PAWR: variants seen among roughly 807,000 people sequenced by gnomAD.
The protein encoded by PAWR is pro-apoptotic WT1 regulator.
A neutral mutation model predicts 32.0 loss-of-function variants in PAWR; 23 were observed. That is an observed-to-expected ratio of 0.72 (90% CI 0.52 to 1.02). The LOEUF (loss-of-function observed/expected upper bound fraction) is 1.02. PAWR is among the 50% of genes least tolerant of loss of function. The pLI is 0.00. For missense variants in PAWR, 457 were observed against 437.7 expected (o/e 1.04, Z -0.39); for synonymous variants, 226 against 187.1 (o/e 1.21, Z -1.70).
intron 2 of PAWR, among the ~76,000 whole-genome samples, chr12:79,642,181 T>C (rs1876358148): frequency 6.6e-6 from 1 of 152,222 alleles, no homozygotes; most frequent in Non-Finnish European, 1.5e-5. Context: ...AATATATGGC[T>C]GCTTAATAGA....
intron 2 of PAWR, among the ~76,000 whole-genome samples, chr12:79,686,391 G>C (rs190950281): frequency 6.6e-6 from 1 of 152,092 alleles, no homozygotes; most frequent in Non-Finnish European, 1.5e-5. Context: ...AGAGCACCTC[G>C]TGGGCAAGGC....
intron 2 of PAWR, among the ~76,000 whole-genome samples, chr12:79,648,793 G>GGAAAA (rs1555176091): frequency 5.0e-5 from 6 of 120,412 alleles, no homozygotes; most frequent in African/African-American, 2.8e-4. Context: ...ACAGGGGCTA[G>GGAAAA]AAAAAAAAAA....
chr12:79,680,972 C>T (rs955367695), intron 2 of PAWR, among the ~76,000 whole-genome samples: 1 of 151,178 alleles, frequency 6.6e-6, no homozygotes, highest in Non-Finnish European at 1.5e-5. Flanking sequence ...AAAATTAGCC[C>T]AATGTGGTGG....
At chr12:79,648,363 G>A (rs566610487) in intron 2 of PAWR, among the ~76,000 whole-genome samples, 56 of 151,988 alleles carry the variant, frequency 3.7e-4, no homozygotes, top group South Asian at 1.5e-3. Flanking sequence ...TTGCTGGTTC[G>A]GTAAATGAAG....
At chr12:79,610,626 A>G (rs1426989055) in intron 4 of PAWR, among the ~76,000 whole-genome samples, 1 of 152,092 alleles carries the variant, frequency 6.6e-6, no homozygotes, top group Non-Finnish European at 1.5e-5. Context: ...TTAGGTGAGG[A>G]GTAAAATTAC....
chr12:79,630,858 C>CAAAAAAAAAAAAAAA (rs74262476), intron 2 of PAWR, among the ~76,000 whole-genome samples: 1 of 105,420 alleles, frequency 9.5e-6, no homozygotes. Flanking sequence ...GTACCAAAAC[C>CAAAAAAAAAAAAAAA]AAAAAAAAAA....
chr12:79,640,352 T>C (rs543458004), intron 2 of PAWR, among the ~76,000 whole-genome samples: 62 of 152,306 alleles, frequency 4.1e-4, no homozygotes, highest in African/African-American at 1.4e-3. Context: ...TTGCTGTAAC[T>C]TATTCCTCTA....
chr12:79,627,052 G>A lies in PAWR; in HGVS notation c.517-5845C>T, dbSNP rs145489751. On this transcript the variant is annotated intron_variant, in intron 2 of 6. Coordinates refer to ENST00000328827, the MANE Select transcript of PAWR (RefSeq NM_002583.4). ...GTGAATAGTGCCGCAATAAACATACGTGTGCATGTGGCTTTATAGCAGCAT... is the reference window on the plus strand; with the variant it reads ...GTGAATAGTGCCGCAATAAACATACATGTGCATGTGGCTTTATAGCAGCAT... Among the ~76,000 whole-genome samples, 1,200 of 152,216 alleles carry A rather than the reference G, an allele frequency of 7.9e-3. 58 individuals are homozygous for A. The highest frequency in any genetic ancestry group is 0.016 in the East Asian group (85 of 5,176).
chr12:79,625,991 C>T lies in PAWR; in HGVS notation c.517-4784G>A, dbSNP rs372202701. Among the ~76,000 whole-genome samples, 5 of 148,512 alleles carry T rather than the reference C, an allele frequency of 3.4e-5. No individual in the cohort carries two copies. The East Asian group carries it at 1.1e-3, about 31-fold the overall frequency. On this transcript the variant is annotated intron_variant, in intron 2 of 6. Transcript: ENST00000328827. ...CATCCTGGCTAACACAGTGAAACCC[C>T]ATCTCTACTAAAAATACAAAAAACT...
chr12:79,621,322 G>T, intron 2 of PAWR, 115 bp from the exon 3 acceptor site: 1 of 770,484 alleles, frequency 1.3e-6, no homozygotes, highest in Non-Finnish European at 2.0e-6. Flanking sequence ...AAATTAGTTT[G>T]CATAATAAAA....
chr12:79,598,384 T>G (rs1317286337), intron 4 of PAWR, among the ~76,000 whole-genome samples: 5 of 152,210 alleles, frequency 3.3e-5, no homozygotes, highest in African/African-American at 1.2e-4. Context: ...GAAATAGCAG[T>G]GATTTTAATG....
rs1458423806 is a variant in PAWR, at chr12:79,589,097, TTAAG to T, written c.*3506_*3509del. The T allele has an allele frequency of 3.9e-5, 6 of 151,958 alleles. No individual in the cohort carries two copies. Among genetic ancestry groups the T allele is most frequent in the African/African-American group, 7.2e-5 (3 of 41,448 alleles). 9.4% of individuals were successfully genotyped at this position (151,958 alleles called of 1,614,324 possible). A position where few individuals can be genotyped will look rare whatever the true frequency, so the allele number is the denominator to read the frequency against. On this transcript the variant is annotated 3_prime_UTR_variant, in exon 7 of 7. Transcript: ENST00000328827. ...TTATTAACAATATCATGAATAGTTA[TTAAG>T]TAAGTGCCAGCACTACATGCAACTT...
chr12:79,661,995 T>C (rs1345683721), intron 2 of PAWR, among the ~76,000 whole-genome samples: 2 of 152,182 alleles, frequency 1.3e-5, no homozygotes, highest in Middle Eastern at 3.4e-3. Flanking sequence ...TACCCAAAGA[T>C]AGTATTTTCA....
chr12:79,640,483 A>T (rs2136772092), intron 2 of PAWR, among the ~76,000 whole-genome samples: 1 of 152,292 alleles, frequency 6.6e-6, no homozygotes, highest in South Asian at 2.1e-4. Flanking sequence ...GCTCACACTT[A>T]TAATCCCAGC....
In PAWR at chr12:79,588,436, A is replaced by G. The variant is rs1322680958; in HGVS notation, c.*4171T>C. On this transcript the variant is annotated 3_prime_UTR_variant, in exon 7 of 7. Transcript: ENST00000328827. ...TAACATTATCTTTAAAAAATGGTAG[A>G]TATTTCCCAGTATGCATCAGTTTTT... 1 of 151,972 alleles carries G rather than the reference A, an allele frequency of 6.6e-6. No homozygotes were observed. Among genetic ancestry groups the G allele is most frequent in the African/African-American group, 2.4e-5 (1 of 41,418 alleles). 9.4% of individuals were successfully genotyped at this position (151,972 alleles called of 1,614,324 possible).
At chr12:79,626,508 C>G (rs182270866) in intron 2 of PAWR, among the ~76,000 whole-genome samples, 58 of 151,742 alleles carry the variant, frequency 3.8e-4, no homozygotes, top group Non-Finnish European at 6.6e-4. Context: ...ATCCACCCCC[C>G]ACGGCCTCCC....
rs184419728 is a variant in PAWR at position 79,660,120 on chromosome 12, G to A, written c.516+29609C>T. Among the ~76,000 whole-genome samples, 165 of 152,234 alleles carry A rather than the reference G, an allele frequency of 1.1e-3. 2 individuals carry two copies. The highest frequency in any genetic ancestry group is 8.4e-4 in the Non-Finnish European group (57 of 68,020). ...GAGCAAACATACCACAGACATTGTCGGTTATAAATGTTAACAGTACTTGGA... is the reference window on the plus strand; with the variant it reads ...GAGCAAACATACCACAGACATTGTCAGTTATAAATGTTAACAGTACTTGGA... On this transcript the variant is annotated intron_variant, in intron 2 of 6. Transcript: ENST00000328827.
At chr12:79,629,222 C>G (rs1470621110) in intron 2 of PAWR, among the ~76,000 whole-genome samples, 1 of 152,000 alleles carries the variant, frequency 6.6e-6, no homozygotes, top group East Asian at 1.9e-4. Context: ...ATAATAAAAG[C>G]AAGACCCAAA....
chr12:79,611,722 T>C (rs1243960183), intron 4 of PAWR, among the ~76,000 whole-genome samples: 1 of 152,056 alleles, frequency 6.6e-6, no homozygotes, highest in Non-Finnish European at 1.5e-5. Flanking sequence ...GGGCAAATCT[T>C]TGAAAGCTGA....
Sources: allele counts gnomAD v4.1 joint callset (sites outside exome capture counted in the v4.1 genomes callset), GRCh38; gene constraint gnomAD v4.1.1; transcripts MANE v1.5; gene names NCBI Gene and HGNC (gene_info 2026-07-23, HGNC 2026-07-21).